ZNF680: variants seen among roughly 807,000 people sequenced by gnomAD.
ZNF680 encodes the protein hypothetical protein FLJ90430.
Under a neutral mutation model 12.1 loss-of-function variants are expected in ZNF680, and 6 were observed. The observed-to-expected ratio is 0.49, with a 90% CI of 0.27 to 0.98. ZNF680 has a LOEUF of 0.98. ZNF680 is among the 50% of genes least tolerant of loss of function. ZNF680 has a pLI of 0.12. For missense variants in ZNF680, 561 were observed against 616.3 expected, an observed-to-expected ratio of 0.91 and a Z score of 0.95; for synonymous variants, 170 against 199.3, an observed-to-expected ratio of 0.85 and a Z score of 1.24.
At chr7:64,514,052 T>C in the ZNF680 span, among the ~76,000 whole-genome samples, 10 of 152,186 alleles carry the variant, frequency 6.6e-5, no homozygotes, top group Non-Finnish European at 1.5e-4. Context: ...AAAATTTTAT[T>C]TCAGAATATC....
In ZNF680 at chr7:64,520,535, A is replaced by G. The variant is rs1465987706; in HGVS notation, c.*626T>C. ...TTACATAGACTCAATTTTGGATTAAATATTTTTCATACTTACTGCATCTGC... is the reference window on the plus strand; with the variant it reads ...TTACATAGACTCAATTTTGGATTAAGTATTTTTCATACTTACTGCATCTGC... On this transcript the variant is annotated 3_prime_UTR_variant, in exon 4 of 4. Coordinates refer to ENST00000309683, the MANE Select transcript of ZNF680 (RefSeq NM_178558.5). 6.6e-6 allele frequency: 1 copy of G among 151,828 alleles called. No homozygotes were observed. Among genetic ancestry groups the G allele is most frequent in the Non-Finnish European group, 1.5e-5 (1 of 67,758 alleles). The allele number at this position is 151,828 out of a possible 1,614,324, so 9.4% of individuals were successfully genotyped here.
chr7:64,508,393 C>T, the ZNF680 span, among the ~76,000 whole-genome samples: 2 of 151,908 alleles, frequency 1.3e-5, no homozygotes, highest in South Asian at 2.1e-4. Flanking sequence ...ACTATTATAG[C>T]CCCAGATTGA....
At chr7:64,509,617 C>T in the ZNF680 span, among the ~76,000 whole-genome samples, 1 of 152,102 alleles carries the variant, frequency 6.6e-6, no homozygotes, top group South Asian at 2.1e-4. Flanking sequence ...AAAAATCTTG[C>T]CCAAATCCAA....
chr7:64,505,221 T>C, the ZNF680 span, among the ~76,000 whole-genome samples: 2 of 152,286 alleles, frequency 1.3e-5, no homozygotes, highest in South Asian at 4.1e-4. Flanking sequence ...TTTTGATTAA[T>C]TTTATTCTAC....
At chr7:64,562,249 A>T (rs1348572966) in intron 1 of ZNF680, among the ~76,000 whole-genome samples, 1 of 151,982 alleles carries the variant, frequency 6.6e-6, no homozygotes, top group African/African-American at 2.4e-5. Context: ...AAAAAAAAAA[A>T]ATCTAACTCA....
chr7:64,521,914 G>A lies in ZNF680; in HGVS notation c.840C>T (p.Ile280=), dbSNP rs1220181875. The A allele has an allele frequency of 1.2e-6, 2 of 1,612,988 alleles. No homozygotes were observed. The highest frequency in any genetic ancestry group is 1.3e-5 in the African/African-American group (1 of 74,870). ...TATGAATTATCTTATGTTTACTAAG[G>A]ATTGAGAATAAACTAAAGGCTTTGC... is the stretch of plus-strand genomic sequence containing the variant. The part of the protein sequence containing the change: ...ECGKAFSLFS[I]LSKHKIIHTG... The change falls in exon 4 of 4, where the codon ATC becomes ATT. Residue 280 remains isoleucine (I), a synonymous_variant. Transcript: ENST00000309683.
intron 1 of ZNF680, among the ~76,000 whole-genome samples, chr7:64,558,611 G>A (rs868218407): frequency 2.9e-4 from 44 of 152,226 alleles, no homozygotes; most frequent in African/African-American, 1.0e-3. Context: ...AGGTTAAGAC[G>A]GAAGGGGATT....
chr7:64,543,784 G>A lies in ZNF680; in HGVS notation c.176C>T (p.Pro59Leu), dbSNP rs1167599032. 1 of 1,612,990 alleles carries A rather than the reference G, an allele frequency of 6.2e-7. No individual in the cohort carries two copies. Among genetic ancestry groups the A allele is most frequent in the East Asian group, 2.2e-5 (1 of 44,810 alleles). The change falls in exon 3 of 4, where the codon CCT becomes CTT. Residue 59 changes from proline to leucine, a missense_variant. Coordinates refer to ENST00000309683, the MANE Select transcript of ZNF680 (RefSeq NM_178558.5). ...LVFLGIAVSK[P>L]HLITCLEQGK... is the part of the protein sequence containing the mutation. ...TTGCTCCAAACAGGTTATCAGGTGA[G>A]GCTTAGAGACAGCAATACCTGTTTT...
downstream of ZNF680, chr7:64,519,772 C>T (rs996680242): frequency 6.6e-6 from 1 of 151,774 alleles, no homozygotes; most frequent in Non-Finnish European, 1.5e-5. Context: ...ATTAACATCT[C>T]ATGACCAAAT....
At chr7:64,503,742 T>C in the ZNF680 span, among the ~76,000 whole-genome samples, 1 of 152,198 alleles carries the variant, frequency 6.6e-6, no homozygotes, top group Non-Finnish European at 1.5e-5. Flanking sequence ...CTTCTTTCAT[T>C]TTCTATCTGC....
chr7:64,509,040 T>G, the ZNF680 span, among the ~76,000 whole-genome samples: 1 of 152,124 alleles, frequency 6.6e-6, no homozygotes, highest in Non-Finnish European at 1.5e-5. Context: ...ACCCTCCCCC[T>G]CTCCATTTGT....
At chr7:64,508,120 A>AATATATATATATATATAT in the ZNF680 span, among the ~76,000 whole-genome samples, 2 of 69,234 alleles carry the variant, frequency 2.9e-5, no homozygotes, top group African/African-American at 2.1e-4. Flanking sequence ...TATATTTTAA[A>AATATATATATATATATAT]ATGTATATAT....
chr7:64,532,105 A>G (rs1335582029), intron 3 of ZNF680, among the ~76,000 whole-genome samples: 4 of 152,170 alleles, frequency 2.6e-5, no homozygotes, highest in African/African-American at 4.8e-5. Context: ...GGCGACTGAG[A>G]CCATCCTAGC....
chr7:64,522,437 TTTTG>T lies in ZNF680; in HGVS notation c.313_316del (p.Gln105LysfsTer2), dbSNP rs773889181. 1 of 1,600,912 alleles carries T rather than the reference TTTTG, an allele frequency of 6.2e-7. No homozygotes were observed. ...TTTTCCATATCCTCTCAGTATCACT[TTTTG>T]AAAAGAATCTTTTATGCTATGCTCT... On this transcript the variant is annotated frameshift_variant, in exon 4 of 4. Coordinates refer to ENST00000309683, the MANE Select transcript of ZNF680 (RefSeq NM_178558.5). LOFTEE classifies it low-confidence loss of function (END_TRUNC).
At chr7:64,542,010 A>G (rs1330377447) in intron 3 of ZNF680, among the ~76,000 whole-genome samples, 1 of 152,202 alleles carries the variant, frequency 6.6e-6, no homozygotes, top group Admixed American at 6.5e-5. Context: ...GGCCCACCAT[A>G]TATAGACCCA....
chr7:64,553,983 T>C (rs1294541908), intron 1 of ZNF680, among the ~76,000 whole-genome samples: 2 of 152,098 alleles, frequency 1.3e-5, no homozygotes, highest in Non-Finnish European at 2.9e-5. Context: ...AGTGCCGAGA[T>C]TGCAGCCTCT....
At position 64,521,642 on chromosome 7, in the gene ZNF680, ATT is replaced by A; in HGVS notation, c.1110_1111del (p.Lys370AsnfsTer11). 1 of 1,612,344 alleles carries A rather than the reference ATT, an allele frequency of 6.2e-7. No homozygotes were observed. The highest frequency in any genetic ancestry group is 2.2e-5 in the East Asian group (1 of 44,806). On this transcript the variant is annotated frameshift_variant, in exon 4 of 4. Coordinates refer to ENST00000309683, the MANE Select transcript of ZNF680 (RefSeq NM_178558.5). LOFTEE classifies it low-confidence loss of function (END_TRUNC). ...TTTGTAGGATTTCTCTCCAGTATGA[ATT>A]TTCTTATGTCTAGTAAGGTTTGCAA...
chr7:64,504,286 C>T, the ZNF680 span, among the ~76,000 whole-genome samples: 2 of 152,200 alleles, frequency 1.3e-5, no homozygotes, highest in Non-Finnish European at 2.9e-5. Flanking sequence ...CAGGAAAGAA[C>T]GTGCTGCTAT....
chr7:64,550,085 G>A (rs745470628), intron 1 of ZNF680, among the ~76,000 whole-genome samples: 22 of 151,420 alleles, frequency 1.5e-4, no homozygotes, highest in African/African-American at 1.9e-4. Context: ...GATTCAAATT[G>A]TCAAAAATCT....
Sources: allele counts gnomAD v4.1 joint callset (sites outside exome capture counted in the v4.1 genomes callset), GRCh38; gene constraint gnomAD v4.1.1; transcripts MANE v1.5; gene names NCBI Gene and HGNC (gene_info 2026-07-23, HGNC 2026-07-21).